PPP2R5A: variants seen among roughly 807,000 people sequenced by gnomAD.
The protein encoded by PPP2R5A is serine/threonine-protein phosphatase 2A 56 kDa regulatory subunit alpha isoform.
PPP2R5A carries 25 observed loss-of-function variants against 64.2 expected under a neutral mutation model. The ratio of observed to expected loss-of-function variants is 0.39; its 90% CI spans 0.28 to 0.54. The LOEUF (loss-of-function observed/expected upper bound fraction) is 0.54. Among genes scored for constraint, PPP2R5A ranks in the 20% least tolerant of loss-of-function variants. The pLI, the probability that PPP2R5A is intolerant of heterozygous loss-of-function variation, is 0.67. For missense variants in PPP2R5A, 425 were observed against 576.3 expected (o/e 0.74, Z 2.69); for synonymous variants, 198 against 201.2 (o/e 0.98, Z 0.13).
rs1189698337 is a variant in PPP2R5A at position 212,361,349 on chromosome 1, A to T, written c.*579A>T. 1.3e-5 allele frequency: 2 copies of T among 152,682 alleles called. No homozygotes were observed. Among genetic ancestry groups the T allele is most frequent in the African/African-American group, 4.8e-5 (2 of 41,472 alleles). The allele number at this position is 152,682 out of a possible 1,614,324, so 9.5% of individuals were successfully genotyped here. ...TAAATCTCCAGGCTTTTTAAAGCAC[A>T]AAATATAAATAAAAGCTGGGAAAGT... On this transcript the variant is annotated 3_prime_UTR_variant, in exon 13 of 13. Coordinates refer to ENST00000261461, the MANE Select transcript of PPP2R5A (RefSeq NM_006243.4).
intron 1 of PPP2R5A, among the ~76,000 whole-genome samples, chr1:212,323,013 C>T (rs1225822547): frequency 1.2e-4 from 18 of 152,168 alleles, no homozygotes; most frequent in Non-Finnish European, 2.4e-4. Context: ...GTCTCGATCT[C>T]CTGACCTCGT....
intron 4 of PPP2R5A, among the ~76,000 whole-genome samples, chr1:212,344,214 T>TC (rs1659735298): frequency 6.6e-6 from 1 of 152,212 alleles, no homozygotes; most frequent in Non-Finnish European, 1.5e-5. Flanking sequence ...CCTCAAGTGA[T>TC]CCGCCTGCCT....
At position 212,314,735 on chromosome 1, in the gene PPP2R5A, T is replaced by A. The variant is rs1158337709; in HGVS notation, c.182-14400T>A. 2.0e-5 allele frequency among the ~76,000 whole-genome samples: 3 copies of A among 151,862 alleles called. No homozygotes were observed. In the South Asian group the frequency reaches 6.2e-4, roughly 32 times the overall value. The stretch of plus-strand genomic sequence containing the variant: ...ACCATGCCTGGCTAATTTTTTTTTT[T>A]GTATTTTAGTAGAGATGAGGTTTCA... On this transcript the variant is annotated intron_variant, in intron 1 of 12. Transcript: ENST00000261461.
intron 8 of PPP2R5A, among the ~76,000 whole-genome samples, chr1:212,356,053 G>A (rs1659972219): frequency 1.3e-5 from 2 of 152,096 alleles, no homozygotes. Context: ...GACAAAGTGA[G>A]ACTCCATCTC....
chr1:212,345,539 A>G (rs147588669), intron 4 of PPP2R5A, among the ~76,000 whole-genome samples: 155 of 152,316 alleles, frequency 1.0e-3, no homozygotes, highest in Middle Eastern at 3.4e-3. Context: ...TGAATTTTAA[A>G]ATCAGTGGGA....
intron 1 of PPP2R5A, among the ~76,000 whole-genome samples, chr1:212,312,520 TG>T (rs1162998417): frequency 6.6e-6 from 1 of 152,250 alleles, no homozygotes; most frequent in East Asian, 1.9e-4. Context: ...CACCTTGTCT[TG>T]TCAGAAGTTG....
chr1:212,334,699 CAT>C (rs2102436224), intron 3 of PPP2R5A, among the ~76,000 whole-genome samples: 1 of 152,296 alleles, frequency 6.6e-6, no homozygotes, highest in African/African-American at 2.4e-5. Flanking sequence ...ACACTTTGAA[CAT>C]GTCATCCCAT....
chr1:212,321,258 A>C (rs1370756924), intron 1 of PPP2R5A, among the ~76,000 whole-genome samples: 13 of 112,596 alleles, frequency 1.2e-4, no homozygotes, highest in South Asian at 6.2e-4. Context: ...ACTTCCCAGT[A>C]GGGGCGGCCG....
chr1:212,344,970 C>G (rs539711311), intron 4 of PPP2R5A, among the ~76,000 whole-genome samples: 12 of 152,132 alleles, frequency 7.9e-5, no homozygotes, highest in African/African-American at 2.9e-4. Context: ...TTGAGACCAG[C>G]CTGGGCAACA....
At chr1:212,310,936 A>G (rs1659017910) in intron 1 of PPP2R5A, among the ~76,000 whole-genome samples, 1 of 152,176 alleles carries the variant, frequency 6.6e-6, no homozygotes, top group Non-Finnish European at 1.5e-5. Context: ...GTCTCTTTGA[A>G]GTAGGGTTTC....
intron 4 of PPP2R5A, among the ~76,000 whole-genome samples, chr1:212,343,138 AG>A (rs1427285383): frequency 6.6e-6 from 1 of 151,812 alleles, no homozygotes; most frequent in African/African-American, 2.4e-5. Flanking sequence ...TTTCTAGTAG[AG>A]ACGGGGTTTC....
intron 6 of PPP2R5A, among the ~76,000 whole-genome samples, 190 bp downstream of exon 6, chr1:212,347,596 A>G (rs944753447): frequency 1.3e-5 from 2 of 151,550 alleles, no homozygotes; most frequent in Non-Finnish European, 2.9e-5. Flanking sequence ...CTGGAGTGCA[A>G]TGGCGCGTTC....
intron 6 of PPP2R5A, 64 bp from the exon 7 acceptor site, chr1:212,348,325 A>T (rs778699682): frequency 2.1e-5 from 21 of 1,004,932 alleles, no homozygotes; most frequent in Non-Finnish European, 3.2e-5. Flanking sequence ...ACTCATGGAT[A>T]TGACAGCTTT....
intron 11 of PPP2R5A, 22 bp downstream of exon 11, chr1:212,357,306 C>A: frequency 2.7e-6 from 4 of 1,469,720 alleles, no homozygotes; most frequent in South Asian, 2.8e-5. Context: ...TTATATAGGT[C>A]GTATTTTTTT....
intron 8 of PPP2R5A, among the ~76,000 whole-genome samples, chr1:212,350,779 A>G (rs1659861473): frequency 6.6e-6 from 1 of 152,168 alleles, no homozygotes; most frequent in South Asian, 2.1e-4. Context: ...TAAATAGTAT[A>G]CAAATAAAAT....
chr1:212,288,665 G>A (rs1253490346), intron 1 of PPP2R5A, among the ~76,000 whole-genome samples: 1 of 152,004 alleles, frequency 6.6e-6, no homozygotes, highest in African/African-American at 2.4e-5. Context: ...TGGAACTTTG[G>A]CAGTGTACTT....
intron 1 of PPP2R5A, among the ~76,000 whole-genome samples, chr1:212,301,542 A>G (rs756894035): frequency 6.6e-5 from 10 of 152,202 alleles, no homozygotes; most frequent in Non-Finnish European, 1.0e-4. Flanking sequence ...CACCATTTTC[A>G]ATTTTAATGA....
intron 1 of PPP2R5A, among the ~76,000 whole-genome samples, chr1:212,307,531 CTGT>C (rs1485034868): frequency 6.6e-6 from 1 of 152,040 alleles, no homozygotes; most frequent in Non-Finnish European, 1.5e-5. Context: ...CTCCTTTGTG[CTGT>C]TATTAGCAAA....
chr1:212,356,697 G>C lies in PPP2R5A; in HGVS notation c.978+21G>C, dbSNP rs377125670. The C allele has an allele frequency of 2.5e-6, 4 of 1,607,600 alleles. No individual in the cohort carries two copies. The African/African-American group carries it at 4.0e-5, about 16-fold the overall frequency. ...AAGAGGTGGGTTTTGTTCACTAAAT[G>C]TAGTGCATTTTACTAGAACTTGTCA... On this transcript the variant is annotated intron_variant, in intron 9 of 12. Transcript: ENST00000261461.
Sources: allele counts gnomAD v4.1 joint callset (sites outside exome capture counted in the v4.1 genomes callset), GRCh38; gene constraint gnomAD v4.1.1; transcripts MANE v1.5; gene names NCBI Gene and HGNC (gene_info 2026-07-23, HGNC 2026-07-21).